The following ZNF700 variants were observed in gnomAD, a reference collection of about 807,000 sequenced individuals.
ZNF700 encodes zinc finger protein 700.
A neutral mutation model predicts 65.3 loss-of-function variants in ZNF700; 38 were observed. That is an observed-to-expected ratio of 0.58 (90% CI 0.45 to 0.76). ZNF700 has a LOEUF of 0.76. Among genes scored for constraint, ZNF700 ranks in the 30% least tolerant of loss-of-function variants. The pLI, the probability that ZNF700 is intolerant of heterozygous loss-of-function variation, is 0.00. For missense variants in ZNF700, 857 were observed against 888.4 expected (o/e 0.96, Z 0.45); for synonymous variants, 285 against 290.4 (o/e 0.98, Z 0.19).
intron 1 of ZNF700, among the ~76,000 whole-genome samples, chr19:11,929,900 C>T (rs1455141010): frequency 6.7e-6 from 1 of 148,362 alleles, no homozygotes; most frequent in Admixed American, 6.6e-5. Context: ...GACACAGACA[C>T]CTTATCAGGA....
In ZNF700 at chr19:11,949,712, C is replaced by T. The variant is rs1274568280; in HGVS notation, c.1688C>T (p.Pro563Leu). The change falls in exon 4 of 4, where the codon CCC (proline) becomes CTC (leucine). Residue 563 changes from proline (P) to leucine (L), a missense_variant. Pro to Leu is a moderately conservative substitution (Grantham distance 98). Transcript: ENST00000254321. ...GAAAGGACTCACACTGGAGAGAAAC[C>T]CTATGAGTGTAAGCAATGTGGGAAA... ...YHERTHTGEK[P>L]YECKQCGKAF... is the part of the protein sequence containing the mutation. 1.2e-6 allele frequency: 2 copies of T among 1,613,936 alleles called. No homozygotes were observed. The highest frequency in any genetic ancestry group is 1.1e-5 in the South Asian group (1 of 91,082).
At chr19:11,927,947 A>G (rs1419438556) in intron 1 of ZNF700, among the ~76,000 whole-genome samples, 1 of 152,158 alleles carries the variant, frequency 6.6e-6, no homozygotes, top group African/African-American at 2.4e-5. Flanking sequence ...CAAAAGGCAA[A>G]TAAATGTAAC....
At chr19:11,942,143 G>T (rs1972894895) in intron 1 of ZNF700, among the ~76,000 whole-genome samples, 1 of 150,844 alleles carries the variant, frequency 6.6e-6, no homozygotes, top group Admixed American at 6.7e-5. Flanking sequence ...CATCATAATG[G>T]ATGTTTCTTT....
chr19:11,950,238 G>A lies in ZNF700; in HGVS notation c.2214G>A (p.Gly738=), dbSNP rs1480654800. The A allele has an allele frequency of 5.0e-6, 8 of 1,610,326 alleles. No homozygotes were observed. In the East Asian group the frequency reaches 8.9e-5, roughly 18 times the overall value. The change falls in exon 4 of 4, where the codon GGG becomes GGA. Residue 738 remains glycine (G), a synonymous_variant. Transcript: ENST00000254321. ...GEKPYECKDC[G]KAFS ...AGCCATATGAATGTAAGGATTGTGGGAAAGCATTCAGCTAGCCTGGTTCCT... is the reference window on the plus strand; with the variant it reads ...AGCCATATGAATGTAAGGATTGTGGAAAAGCATTCAGCTAGCCTGGTTCCT...
intron 1 of ZNF700, among the ~76,000 whole-genome samples, chr19:11,942,117 G>C (rs576002495): frequency 1.7e-4 from 26 of 151,704 alleles, no homozygotes; most frequent in Admixed American, 1.1e-3. Flanking sequence ...TAACTGCAAA[G>C]TGAATGATTC....
intron 1 of ZNF700, among the ~76,000 whole-genome samples, chr19:11,942,426 G>A (rs922870714): frequency 1.3e-5 from 2 of 152,046 alleles, no homozygotes; most frequent in Non-Finnish European, 2.9e-5. Context: ...AGACATTAGG[G>A]ACAGCCCAGG....
chr19:11,948,234 T>C (rs771024798), intron 3 of ZNF700, 42 bp from the exon 4 acceptor site: 2 of 1,589,652 alleles, frequency 1.3e-6, no homozygotes, highest in Non-Finnish European at 1.7e-6. Flanking sequence ...ATAGAAGTAC[T>C]TGTAAACAAA....
rs1476776363 is a variant in ZNF700, at chr19:11,948,338, C to G, written c.314C>G (p.Thr105Ser). 6.2e-7 allele frequency: 1 copy of G among 1,613,852 alleles called. No individual in the cohort carries two copies. The highest frequency in any genetic ancestry group is 1.1e-5 in the South Asian group (1 of 91,060). ...GACAGTCATTGTGGAGAAACTTTTA[C>G]CCAGGTTCCAGATGACAGACTGAAC... is the stretch of plus-strand genomic sequence containing the variant. ...KEDSHCGETF[T>S]QVPDDRLNFQ... Residue 105 changes from threonine to serine, a missense_variant, in exon 4 of 4, where the codon ACC (threonine) becomes AGC (serine). Around this residue, in one of 3 missense-constraint regions of ZNF700, gnomAD observed 603 missense variants for 619.9 expected, o/e 0.97. Transcript: ENST00000254321.
chr19:11,925,820 AGACC>A (rs770472615), intron 1 of ZNF700, among the ~76,000 whole-genome samples: 99 of 152,212 alleles, frequency 6.5e-4, no homozygotes, highest in Non-Finnish European at 1.3e-3. Flanking sequence ...CGAATAGGAG[AGACC>A]TTGGCCGAGG....
At chr19:11,926,846 G>C (rs1192027841) in intron 1 of ZNF700, among the ~76,000 whole-genome samples, 1 of 152,150 alleles carries the variant, frequency 6.6e-6, no homozygotes, top group Non-Finnish European at 1.5e-5. Context: ...GATTTCAGTT[G>C]GAAGAGTTTA....
intron 1 of ZNF700, among the ~76,000 whole-genome samples, chr19:11,933,763 T>G (rs1396387372): frequency 6.8e-6 from 1 of 146,092 alleles, no homozygotes; most frequent in Admixed American, 6.7e-5. Flanking sequence ...TTGAATGGTG[T>G]GAACCCAGGA....
At position 11,933,264 on chromosome 19, in the gene ZNF700, AAT is replaced by A. The variant is rs753750200; in HGVS notation, c.63+7992_63+7993del. Among the ~76,000 whole-genome samples, 31 of 148,042 alleles carry A rather than the reference AAT, an allele frequency of 2.1e-4. 2 individuals are homozygous for A. Among genetic ancestry groups the A allele is most frequent in the East Asian group, 1.9e-3 (10 of 5,168 alleles). On this transcript the variant is annotated intron_variant, in intron 1 of 3. Coordinates refer to ENST00000254321, the MANE Select transcript of ZNF700 (RefSeq NM_144566.3). ...AAGGCCCTGTTTCAAAAAAAAAAAAAATGTTTTAAACCAAGGAAACCATATTG... is the reference window on the plus strand; with the variant it reads ...AAGGCCCTGTTTCAAAAAAAAAAAAAGTTTTAAACCAAGGAAACCATATTG...
intron 1 of ZNF700, among the ~76,000 whole-genome samples, chr19:11,930,887 T>C (rs910537621): frequency 6.8e-6 from 1 of 147,410 alleles, no homozygotes; most frequent in Non-Finnish European, 1.5e-5. Context: ...TAATCCCAGC[T>C]ACTCGGGAGG....
intron 1 of ZNF700, among the ~76,000 whole-genome samples, chr19:11,932,648 T>TG (rs1972731198): frequency 6.9e-6 from 1 of 144,408 alleles, no homozygotes; most frequent in Non-Finnish European, 1.5e-5. Flanking sequence ...TTTTTTTTTT[T>TG]TTTTTTTGAG....
At chr19:11,939,967 GA>G (rs1972855188) in intron 1 of ZNF700, 1 of 113,762 alleles carries the variant, frequency 8.8e-6, no homozygotes, top group African/African-American at 4.6e-5. Context: ...TTTTTTTTTT[GA>G]GACAGCAGGC....
chr19:11,944,751 T>C (rs927068818), intron 1 of ZNF700, among the ~76,000 whole-genome samples: 1 of 152,202 alleles, frequency 6.6e-6, no homozygotes, highest in African/African-American at 2.4e-5. Flanking sequence ...GCCGGGACGG[T>C]TGGACCCTGC....
At chr19:11,932,899 A>T (rs1972736491) in intron 1 of ZNF700, among the ~76,000 whole-genome samples, 1 of 148,202 alleles carries the variant, frequency 6.7e-6, no homozygotes, top group South Asian at 2.1e-4. Flanking sequence ...AGCCTCCCAA[A>T]GTGCTGGGAT....
At chr19:11,938,674 C>T (rs529199970) in intron 1 of ZNF700, among the ~76,000 whole-genome samples, 129 of 152,186 alleles carry the variant, frequency 8.5e-4, no homozygotes, top group African/African-American at 2.8e-3. Flanking sequence ...TGAATGGTGC[C>T]GCAATAAACA....
chr19:11,932,457 CTA>C (rs1477877802), intron 1 of ZNF700, among the ~76,000 whole-genome samples: 5 of 148,480 alleles, frequency 3.4e-5, no homozygotes, highest in Admixed American at 1.3e-4. Context: ...TAGAAACTAA[CTA>C]AAAGTATTAC....
Sources: allele counts gnomAD v4.1 joint callset (sites outside exome capture counted in the v4.1 genomes callset), GRCh38; gene constraint gnomAD v4.1.1; regional missense constraint gnomAD v4.1.1; transcripts MANE v1.5; gene names NCBI Gene and HGNC (gene_info 2026-07-23, HGNC 2026-07-21).